The following ZCCHC2 variants were observed in gnomAD, a reference collection of about 807,000 sequenced individuals.
The protein encoded by ZCCHC2 is zinc finger CCHC domain-containing protein 2.
In ZCCHC2, 39 loss-of-function variants were observed where a neutral mutation model predicts 103.6. The ratio of observed to expected loss-of-function variants is 0.38; its 90% confidence interval spans 0.29 to 0.49. ZCCHC2 has a LOEUF of 0.49. ZCCHC2 is among the 20% of genes least tolerant of loss of function. The pLI, the probability that ZCCHC2 is intolerant of heterozygous loss-of-function variation, is 0.96. For missense variants in ZCCHC2, 1,483 were observed against 1,491.0 expected (o/e 0.99, Z 0.09); for synonymous variants, 687 against 608.9 (o/e 1.13, Z -1.89).
intron 11 of ZCCHC2, among the ~76,000 whole-genome samples, chr18:62,566,257 T>C (rs1916360019): frequency 1.3e-5 from 2 of 152,048 alleles, no homozygotes; most frequent in South Asian, 4.1e-4. Context: ...AATAAATAAA[T>C]AAATAATAAA....
At chr18:62,531,975 C>T (rs573662719) in intron 1 of ZCCHC2, among the ~76,000 whole-genome samples, 185 of 151,912 alleles carry the variant, frequency 1.2e-3, no homozygotes, top group African/African-American at 4.1e-3. Flanking sequence ...CAGAGTGAGA[C>T]GCTGTTTCAA....
At chr18:62,564,967 T>C (rs1916286817) in intron 10 of ZCCHC2, 35 bp from the exon 11 acceptor site, 1 of 1,466,878 alleles carries the variant, frequency 6.8e-7, no homozygotes, top group Non-Finnish European at 9.5e-7. Flanking sequence ...TAGATAACCT[T>C]ATTAAAATGT....
rs1300452556 is a variant in ZCCHC2 at position 62,576,773 on chromosome 18, G to T, written c.*194G>T. 4 of 539,132 alleles carry T rather than the reference G, an allele frequency of 7.4e-6. No homozygotes were observed. Among genetic ancestry groups the T allele is most frequent in the Non-Finnish European group, 1.3e-5 (4 of 302,884 alleles). The allele number at this position is 539,132 out of a possible 1,614,324, so 33.4% of individuals were successfully genotyped here. A position where few individuals can be genotyped will look rare whatever the true frequency, so the allele number is the denominator to read the frequency against. Reference sequence around the variant, plus strand: ...ATGCTTTTGAGCCTCTGGTCTCCTGGTTCAACAACAGGCTTATATGTATGA... The same window carrying T: ...ATGCTTTTGAGCCTCTGGTCTCCTGTTTCAACAACAGGCTTATATGTATGA... On this transcript the variant is annotated 3_prime_UTR_variant, in exon 14 of 14. Coordinates refer to ENST00000269499, the MANE Select transcript of ZCCHC2 (RefSeq NM_017742.6).
At chr18:62,556,346 T>G in intron 6 of ZCCHC2, 49 bp downstream of exon 6, 1 of 1,412,880 alleles carries the variant, frequency 7.1e-7, no homozygotes, top group African/African-American at 1.4e-5. Context: ...TTGTTGGATT[T>G]TATTGCTTTA....
intron 1 of ZCCHC2, among the ~76,000 whole-genome samples, chr18:62,534,642 G>A (rs1166676845): frequency 2.0e-5 from 3 of 152,210 alleles, no homozygotes; most frequent in Non-Finnish European, 2.9e-5. Flanking sequence ...TGTTAGAAAT[G>A]TCTAAATTGG....
chr18:62,523,882 A>G lies in ZCCHC2; in HGVS notation c.458A>G (p.Asn153Ser), dbSNP rs1416696927. The G allele has an allele frequency of 5.8e-6, 9 of 1,542,118 alleles. No homozygotes were observed. The highest frequency in any genetic ancestry group is 7.9e-6 in the Non-Finnish European group (9 of 1,145,640). The change falls in exon 1 of 14, where the codon AAC becomes AGC. Residue 153 changes from asparagine (N) to serine (S), a missense_variant. Physicochemically the swap from Asn to Ser is conservative, Grantham distance 46. Around this residue, in one of 3 missense-constraint regions of ZCCHC2, gnomAD observed 568 missense variants for 525.1 expected, o/e 1.08. Transcript: ENST00000269499. ...CTGCGCGACTCGGAGGCCAAGGCCAACGGCCTCTCGGACCCGGGGCCGCTG... is the reference window on the plus strand; with the variant it reads ...CTGCGCGACTCGGAGGCCAAGGCCAGCGGCCTCTCGGACCCGGGGCCGCTG... Reference protein sequence around the residue: ...HYLRDSEAKANGLSDPGPLAD... With the variant: ...HYLRDSEAKASGLSDPGPLAD...
At position 62,550,408 on chromosome 18, in the gene ZCCHC2, G is replaced by C; in HGVS notation, c.1261G>C (p.Gly421Arg). The change falls in exon 5 of 14, where the codon GGT becomes CGT. Residue 421 changes from glycine to arginine, a missense_variant. Transcript: ENST00000269499. ...DKTILRALNQ[G>R]SLKREERRHP... ...GACCATCTTAAGAGCCCTGAATCAG[G>C]GTTCCTTGAAAAGGGAGGAACGGCG... 1 of 1,613,824 alleles carries C rather than the reference G, an allele frequency of 6.2e-7. No individual in the cohort carries two copies. The highest frequency in any genetic ancestry group is 1.7e-5 in the Admixed American group (1 of 60,006).
chr18:62,547,306 C>A (rs1392665475), intron 4 of ZCCHC2, among the ~76,000 whole-genome samples: 2 of 140,944 alleles, frequency 1.4e-5, no homozygotes, highest in Non-Finnish European at 3.0e-5. Context: ...GCCTGAGCGA[C>A]AAGAGCAAAA....
intron 11 of ZCCHC2, among the ~76,000 whole-genome samples, chr18:62,567,869 C>T (rs1483801619): frequency 2.1e-5 from 3 of 142,482 alleles, no homozygotes; most frequent in South Asian, 2.2e-4. Flanking sequence ...CACTTGAACC[C>T]GGGAGGTGGA....
At chr18:62,554,327 A>G (rs1393795077) in intron 5 of ZCCHC2, among the ~76,000 whole-genome samples, 1 of 152,268 alleles carries the variant, frequency 6.6e-6, no homozygotes, top group East Asian at 1.9e-4. Context: ...GGTACAGGAC[A>G]CACTGCATTT....
chr18:62,559,624 A>G (rs1233463368), intron 7 of ZCCHC2, among the ~76,000 whole-genome samples: 1 of 152,252 alleles, frequency 6.6e-6, no homozygotes, highest in Non-Finnish European at 1.5e-5. Flanking sequence ...TCCTGCATCT[A>G]TGAGAATTGT....
At chr18:62,583,454 A>AT (rs1917087020), downstream of ZCCHC2, among the ~76,000 whole-genome samples, 1 of 152,212 alleles carries the variant, frequency 6.6e-6, no homozygotes, top group South Asian at 2.1e-4. Flanking sequence ...TTCCAAAGAG[A>AT]TGAGAAAGCA....
rs548032674 is a variant in ZCCHC2 at position 62,554,376 on chromosome 18, G to A, written c.1314-1827G>A. ...CTGTAGGTTAGGAAAATGAAAATAC[G>A]GCCTGAAATGTGCATTTGGGGTTGG... On this transcript the variant is annotated intron_variant, in intron 5 of 13. Coordinates refer to ENST00000269499, the MANE Select transcript of ZCCHC2 (RefSeq NM_017742.6). Among the ~76,000 whole-genome samples the A allele has an allele frequency of 7.9e-5, 12 of 152,300 alleles. No homozygotes were observed. The South Asian group carries it at 1.0e-3, about 13-fold the overall frequency.
At chr18:62,573,999 A>G in intron 12 of ZCCHC2, 58 bp from the exon 13 acceptor site, 2 of 1,504,922 alleles carry the variant, frequency 1.3e-6, no homozygotes, top group Non-Finnish European at 1.8e-6. Context: ...GTTTATTTCT[A>G]GCAAGAAAGA....
At chr18:62,535,262 T>A (rs1211521347) in intron 1 of ZCCHC2, among the ~76,000 whole-genome samples, 3 of 152,238 alleles carry the variant, frequency 2.0e-5, no homozygotes, top group South Asian at 2.1e-4. Context: ...ATGTGGGGGC[T>A]GCTGGCCCAG....
chr18:62,554,279 G>T (rs954437814), intron 5 of ZCCHC2, among the ~76,000 whole-genome samples: 5 of 152,202 alleles, frequency 3.3e-5, no homozygotes, highest in African/African-American at 9.7e-5. Context: ...AGGAAACTGA[G>T]AAATAGGAAG....
intron 11 of ZCCHC2, among the ~76,000 whole-genome samples, chr18:62,566,800 G>C (rs1022592619): frequency 1.3e-5 from 2 of 152,186 alleles, no homozygotes; most frequent in Non-Finnish European, 2.9e-5. Flanking sequence ...AGTAATGCCT[G>C]CTTCAGCAGA....
rs1263302834 is a variant in ZCCHC2, at chr18:62,575,249, T to C, written c.3168T>C (p.Asn1056=). ...PSFFTLPSIC[N]GSYLNQAHQS... ...TCTTTACTCTGCCATCCATTTGCAA[T>C]GGCAGCTACCTCAACCAAGCACATC... Residue 1056 remains asparagine (N), a synonymous_variant, in exon 13 of 14, where the codon AAT becomes AAC. Transcript: ENST00000269499. 6.2e-7 allele frequency: 1 copy of C among 1,613,908 alleles called. No homozygotes were observed. The highest frequency in any genetic ancestry group is 8.5e-7 in the Non-Finnish European group (1 of 1,179,898).
Position 62,574,425 on chromosome 18 carries a change from T to G in ZCCHC2, c.2344T>G (p.Ser782Ala). 6.2e-7 allele frequency: 1 copy of G among 1,613,984 alleles called. No homozygotes were observed. Among genetic ancestry groups the G allele is most frequent in the African/African-American group, 1.3e-5 (1 of 75,028 alleles). Residue 782 changes from serine to alanine, a missense_variant, in exon 13 of 14, where the codon TCG (serine) becomes GCG (alanine). Around this residue, in one of 3 missense-constraint regions of ZCCHC2, gnomAD observed 884 missense variants for 907.5 expected, o/e 0.97. Transcript: ENST00000269499. ...AGGGCCAACAGCTTGCACTGGAGAA[T>G]CGGAAAAGCACCTTGAGTTACTGGC... is the stretch of plus-strand genomic sequence containing the variant. ...ILGPTACTGE[S>A]EKHLELLASP...
Sources: allele counts gnomAD v4.1 joint callset (sites outside exome capture counted in the v4.1 genomes callset), GRCh38; gene constraint gnomAD v4.1.1; regional missense constraint gnomAD v4.1.1; transcripts MANE v1.5; gene names NCBI Gene and HGNC (gene_info 2026-07-23, HGNC 2026-07-21).